The following TOP1 variants were observed in gnomAD, a reference collection of about 807,000 sequenced individuals.
TOP1 encodes DNA topoisomerase I.
A neutral mutation model predicts 111.1 loss-of-function variants in TOP1; 10 were observed. The observed-to-expected ratio is 0.09, with a 90% CI of 0.06 to 0.15. TOP1 has a LOEUF of 0.15. Among genes scored for constraint, TOP1 ranks in the 10% least tolerant of loss-of-function variants. The probability of loss-of-function intolerance (pLI) is 1.00; values close to 1 mark genes in which losing one functional copy is unlikely to be tolerated. For missense variants in TOP1, 474 were observed against 926.7 expected, an observed-to-expected ratio of 0.51 and a Z score of 6.34; for synonymous variants, 271 against 302.9, an observed-to-expected ratio of 0.89 and a Z score of 1.10.
At chr20:41,073,411 A>C in intron 3 of TOP1, 1 of 981,406 alleles carries the variant, frequency 1.0e-6, no homozygotes, top group Non-Finnish European at 1.2e-6. Flanking sequence ...AGAAAAGAAA[A>C]GAAACAAGCA....
chr20:41,092,613 C>T lies in TOP1; in HGVS notation c.730+26C>T, dbSNP rs758091563. On this transcript the variant is annotated intron_variant, in intron 9 of 20. Transcript: ENST00000361337. This position sits in a 1 kb window ranked among gnomAD's most constrained non-coding sequence, Gnocchi z 4.3. The stretch of plus-strand genomic sequence containing the variant: ...GTGAGTTGTTTCAAGGTTCTTGATT[C>T]TTGGCCAGGAAAAGAAATCTGCTTC... 3 of 1,186,016 alleles carry T rather than the reference C, an allele frequency of 2.5e-6. No individual in the cohort carries two copies. Among genetic ancestry groups the T allele is most frequent in the Non-Finnish European group, 3.7e-6 (3 of 821,064 alleles). The allele number at this position is 1,186,016 out of a possible 1,614,324, so 73.5% of individuals were successfully genotyped here.
In TOP1 at chr20:41,121,878, G is replaced by T; in HGVS notation, c.2045+88G>T. On this transcript the variant is annotated intron_variant, in intron 19 of 20. Transcript: ENST00000361337. The surrounding 1 kb of genome is among the most constrained non-coding windows in gnomAD (Gnocchi z 4.2). ...CCCCTGGGGCCCTGGCTTTTCGATG[G>T]TTTCTGAGAAATGTCTTTTGGAAAT... 6.4e-7 allele frequency: 1 copy of T among 1,557,382 alleles called. No homozygotes were observed. Among genetic ancestry groups the T allele is most frequent in the Admixed American group, 1.9e-5 (1 of 53,920 alleles).
intron 8 of TOP1, among the ~76,000 whole-genome samples, chr20:41,090,525 CAG>C (rs910609070): frequency 1.3e-5 from 2 of 151,892 alleles, no homozygotes. Flanking sequence ...TTTATTGAGA[CAG>C]AGTGTCTCTC....
Position 41,071,290 on chromosome 20 carries a change from AG to A in TOP1, c.156-4879del, listed in dbSNP as rs2145932128. ...AGCTCCAACAAGAATCATAGACCAA[AG>A]GTTTTGCTGTCATCACTTTAAAAAT... On this transcript the variant is annotated intron_variant, in intron 3 of 20. Transcript: ENST00000361337. The surrounding 1 kb of genome is among the most constrained non-coding windows in gnomAD (Gnocchi z 4.3). 6.6e-6 allele frequency among the ~76,000 whole-genome samples: 1 copy of A among 152,090 alleles called. No homozygotes were observed. The highest frequency in any genetic ancestry group is 1.5e-5 in the Non-Finnish European group (1 of 67,960).
At position 41,029,139 on chromosome 20, in the gene TOP1, C is replaced by A; in HGVS notation, c.33+39C>A. On this transcript the variant is annotated intron_variant, in intron 1 of 20. Transcript: ENST00000361337. The surrounding 1 kb of genome is among the most constrained non-coding windows in gnomAD (Gnocchi z 6.1). ...TGACCCTGGCGGCCCCGGACCCCGG[C>A]CTGGCCGTCCCGCGACCCCCGGCGC... is the stretch of plus-strand genomic sequence containing the variant. 7.0e-7 allele frequency: 1 copy of A among 1,426,734 alleles called. No homozygotes were observed. The allele number at this position is 1,426,734 out of a possible 1,614,324, so 88.4% of individuals were successfully genotyped here.
intron 2 of TOP1, among the ~76,000 whole-genome samples, chr20:41,031,132 G>A (rs1339646450): frequency 6.6e-6 from 1 of 152,200 alleles, no homozygotes; most frequent in Non-Finnish European, 1.5e-5. Context: ...GCAGAGAATT[G>A]TCAGGGGTTG....
rs2033623732 is a variant in TOP1 at position 41,067,611 on chromosome 20, C to T, written c.155+6121C>T. ...ATGCTTTCATTTATTCCAATCCTTG[C>T]TAATCAATTGTAGCTAATTTTGTGG... On this transcript the variant is annotated intron_variant, in intron 3 of 20. Transcript: ENST00000361337. The surrounding 1 kb of genome is among the most constrained non-coding windows in gnomAD (Gnocchi z 4.0). Among the ~76,000 whole-genome samples the T allele has an allele frequency of 6.6e-6, 1 of 152,166 alleles. No homozygotes were observed. The highest frequency in any genetic ancestry group is 1.5e-5 in the Non-Finnish European group (1 of 68,034).
chr20:41,054,839 CT>C (rs979800259), intron 2 of TOP1, among the ~76,000 whole-genome samples: 1 of 151,650 alleles, frequency 6.6e-6, no homozygotes. Context: ...TTTTTTCTTT[CT>C]TTTTTTTACA....
rs2034057557 is a variant in TOP1, at chr20:41,101,139, C to G, written c.1164-70C>G. On this transcript the variant is annotated intron_variant, in intron 12 of 20. Coordinates refer to ENST00000361337, the MANE Select transcript of TOP1 (RefSeq NM_003286.4). This position sits in a 1 kb window ranked among gnomAD's most constrained non-coding sequence, Gnocchi z 4.1. ...AAATTATGCTCAGCAGATAGGTCCACTTGGGGTCATGAAAGGTGAAATTAT... is the reference window on the plus strand; with the variant it reads ...AAATTATGCTCAGCAGATAGGTCCAGTTGGGGTCATGAAAGGTGAAATTAT... 3 of 1,557,098 alleles carry G rather than the reference C, an allele frequency of 1.9e-6. No homozygotes were observed. The highest frequency in any genetic ancestry group is 2.7e-5 in the African/African-American group (2 of 73,766).
chr20:41,053,669 G>T (rs1047978652), intron 2 of TOP1, among the ~76,000 whole-genome samples: 6 of 152,194 alleles, frequency 3.9e-5, no homozygotes, highest in African/African-American at 1.4e-4. Context: ...TGATGCGATA[G>T]AAACTGTTAC....
Position 41,078,084 on chromosome 20 carries a change from T to C in TOP1, c.335+447T>C, listed in dbSNP as rs1316766133. 2.6e-5 allele frequency among the ~76,000 whole-genome samples: 4 copies of C among 152,216 alleles called. No individual in the cohort carries two copies. Among genetic ancestry groups the C allele is most frequent in the African/African-American group, 9.6e-5 (4 of 41,530 alleles). ...TGGAGTTTTCTGAAAAATCACTTAG[T>C]CTGATTTCATCATTAGTAATATTGG... is the stretch of plus-strand genomic sequence containing the variant. On this transcript the variant is annotated intron_variant, in intron 5 of 20. Transcript: ENST00000361337. This position sits in a 1 kb window ranked among gnomAD's most constrained non-coding sequence, Gnocchi z 5.3.
chr20:41,067,889 A>G lies in TOP1; in HGVS notation c.155+6399A>G, dbSNP rs190117650. On this transcript the variant is annotated intron_variant, in intron 3 of 20. Transcript: ENST00000361337. The surrounding 1 kb of genome is among the most constrained non-coding windows in gnomAD (Gnocchi z 4.0). Reference sequence around the variant, plus strand: ...GTTTCCTCTTTATTGTCCTCATGCAAGGTGCAAAACAAGGGAGTAGGTATT... The same window carrying G: ...GTTTCCTCTTTATTGTCCTCATGCAGGGTGCAAAACAAGGGAGTAGGTATT... 2.0e-5 allele frequency among the ~76,000 whole-genome samples: 3 copies of G among 152,328 alleles called. No homozygotes were observed. The highest frequency in any genetic ancestry group is 4.4e-5 in the Non-Finnish European group (3 of 68,026).
At chr20:41,048,822 C>A (rs1323769815) in intron 2 of TOP1, among the ~76,000 whole-genome samples, 3 of 152,174 alleles carry the variant, frequency 2.0e-5, no homozygotes, top group Non-Finnish European at 4.4e-5. Flanking sequence ...TAATTGGTCC[C>A]TGGAAATGAG....
chr20:41,107,694 G>T (rs994814951), intron 13 of TOP1, among the ~76,000 whole-genome samples: 2 of 152,192 alleles, frequency 1.3e-5, no homozygotes, highest in African/African-American at 4.8e-5. Flanking sequence ...GTGAATTCAT[G>T]TGCTAATTAC....
chr20:41,059,476 T>G (rs1446232458), intron 2 of TOP1, among the ~76,000 whole-genome samples: 2 of 151,088 alleles, frequency 1.3e-5, no homozygotes, highest in Non-Finnish European at 3.0e-5. Flanking sequence ...GGTGGTGATA[T>G]GCCCTTGTAA....
intron 8 of TOP1, among the ~76,000 whole-genome samples, chr20:41,087,392 A>G (rs1029184819): frequency 1.3e-5 from 2 of 152,250 alleles, no homozygotes; most frequent in Non-Finnish European, 2.9e-5. Context: ...ACCTGGGAAT[A>G]TAAGTTGCCA....
chr20:41,084,365 T>C, intron 7 of TOP1, 97 bp from the exon 8 acceptor site: 1 of 637,736 alleles, frequency 1.6e-6, no homozygotes, highest in Admixed American at 3.0e-5. Context: ...TCTAATACTC[T>C]ATGATTACAA....
chr20:41,031,016 T>C (rs2033112887), intron 2 of TOP1, among the ~76,000 whole-genome samples: 1 of 152,168 alleles, frequency 6.6e-6, no homozygotes, highest in Non-Finnish European at 1.5e-5. Context: ...CTGGGGCATA[T>C]GTGTACCCAA....
chr20:41,111,458 C>A (rs57772411), intron 13 of TOP1, among the ~76,000 whole-genome samples: 19,293 of 152,156 alleles, frequency 0.13, 1,426 homozygotes, highest in Non-Finnish European at 0.15. Context: ...TGTGAGAGTG[C>A]AGATGACTCC....
Sources: allele counts gnomAD v4.1 joint callset (sites outside exome capture counted in the v4.1 genomes callset), GRCh38; gene constraint gnomAD v4.1.1; non-coding constraint Gnocchi (gnomAD v3.1); transcripts MANE v1.5; gene names NCBI Gene and HGNC (gene_info 2026-07-23, HGNC 2026-07-21).